Variants in RBFOX3 observed in about 807,000 individuals in gnomAD.
RBFOX3 encodes RNA binding protein fox-1 homolog 3.
In RBFOX3, 17 loss-of-function variants were observed where a neutral mutation model predicts 48.7. The observed-to-expected ratio is 0.35, with a 90% CI of 0.24 to 0.52. The LOEUF (loss-of-function observed/expected upper bound fraction) is 0.52, where lower values mean the gene tolerates loss of function less well. Ranked by LOEUF, RBFOX3 falls within the 20% of genes least tolerant of loss-of-function variation. RBFOX3 has a pLI of 0.94. For synonymous variants in RBFOX3, 212 were observed against 209.5 expected (o/e 1.01, Z -0.10); for missense variants, 382 against 497.5 (o/e 0.77, Z 2.21).
In RBFOX3 at chr17:79,103,108, G is replaced by T. The variant is rs1307527320; in HGVS notation, c.507+54C>A. Reference sequence around the variant, plus strand: ...AGGGCTGGTTGGTTGGGGGAGCTGGGGGGCAGGTGGGCGATCTTGGGGCAT... The same window carrying T: ...AGGGCTGGTTGGTTGGGGGAGCTGGTGGGCAGGTGGGCGATCTTGGGGCAT... On this transcript the variant is annotated intron_variant, in intron 8 of 14. Transcript: ENST00000693108. This position sits in a 1 kb window ranked among gnomAD's most constrained non-coding sequence, Gnocchi z 6.1. 7.4e-7 allele frequency: 1 copy of T among 1,343,276 alleles called. No homozygotes were observed. The highest frequency in any genetic ancestry group is 1.0e-6 in the Non-Finnish European group (1 of 959,148). The allele number at this position is 1,343,276 out of a possible 1,614,324, so 83.2% of individuals were successfully genotyped here.
chr17:79,580,879 G>A (rs1369068294), intron 1 of RBFOX3, among the ~76,000 whole-genome samples: 2 of 152,192 alleles, frequency 1.3e-5, no homozygotes, highest in Non-Finnish European at 2.9e-5. Flanking sequence ...CAGCTGGGCA[G>A]AGCAGAGACA....
At chr17:79,296,503 A>C (rs1409405100) in intron 3 of RBFOX3, among the ~76,000 whole-genome samples, 1 of 152,176 alleles carries the variant, frequency 6.6e-6, no homozygotes, top group Non-Finnish European at 1.5e-5. Context: ...ACTGAAGAAC[A>C]GGCACAGTCC....
At chr17:79,366,156 G>C (rs1382468323) in intron 2 of RBFOX3, among the ~76,000 whole-genome samples, 1 of 152,228 alleles carries the variant, frequency 6.6e-6, no homozygotes, top group Admixed American at 6.5e-5. Context: ...CGGTCACTAG[G>C]AAAGCTAGCT....
At position 79,362,957 on chromosome 17, in the gene RBFOX3, C is replaced by T. The variant is rs1416815231; in HGVS notation, c.-174-55133G>A. Reference sequence around the variant, plus strand: ...TGCTGGTGATGTCCTGTCCTGAGTCCAGGACCCCTCTAGGGTTGGAGCGGG... The same window carrying T: ...TGCTGGTGATGTCCTGTCCTGAGTCTAGGACCCCTCTAGGGTTGGAGCGGG... On this transcript the variant is annotated intron_variant, in intron 2 of 14. Coordinates refer to ENST00000693108, the MANE Select transcript of RBFOX3 (RefSeq NM_001350451.2). This position sits in a 1 kb window ranked among gnomAD's most constrained non-coding sequence, Gnocchi z 4.2. 6.6e-6 allele frequency among the ~76,000 whole-genome samples: 1 copy of T among 152,226 alleles called. No homozygotes were observed. Among genetic ancestry groups the T allele is most frequent in the Non-Finnish European group, 1.5e-5 (1 of 68,036 alleles).
intron 2 of RBFOX3, among the ~76,000 whole-genome samples, chr17:79,388,417 T>A (rs1021552908): frequency 5.3e-5 from 8 of 152,212 alleles, no homozygotes; most frequent in Non-Finnish European, 2.9e-5. Context: ...TCCCCACGCA[T>A]GGAGCCTGTT....
intron 3 of RBFOX3, among the ~76,000 whole-genome samples, chr17:79,236,705 A>G (rs1037711263): frequency 1.3e-5 from 2 of 152,166 alleles, no homozygotes; most frequent in African/African-American, 4.8e-5. Flanking sequence ...GGCAAGGACC[A>G]CCACTCACTC....
chr17:79,305,283 G>A (rs539916844), intron 3 of RBFOX3, among the ~76,000 whole-genome samples: 2 of 152,294 alleles, frequency 1.3e-5, no homozygotes, highest in East Asian at 1.9e-4. Flanking sequence ...AAGCCCTGCC[G>A]TCATAGCTAT....
At chr17:79,396,298 T>C (rs1246715249) in intron 2 of RBFOX3, among the ~76,000 whole-genome samples, 1 of 152,180 alleles carries the variant, frequency 6.6e-6, no homozygotes, top group African/African-American at 2.4e-5. Flanking sequence ...AAGCCCAAAC[T>C]TGAAGCTCCC....
At chr17:79,297,157 G>A (rs1477376775) in intron 3 of RBFOX3, among the ~76,000 whole-genome samples, 1 of 152,052 alleles carries the variant, frequency 6.6e-6, no homozygotes, top group Non-Finnish European at 1.5e-5. Context: ...TCTTCTCCGA[G>A]CAGCCATGAG....
At chr17:79,318,636 C>T (rs1334472274) in intron 2 of RBFOX3, among the ~76,000 whole-genome samples, 3 of 151,856 alleles carry the variant, frequency 2.0e-5, no homozygotes, top group Non-Finnish European at 2.9e-5. Flanking sequence ...AGGTGGATCA[C>T]GAGGTCAGGA....
At chr17:79,495,528 T>TGCAGAGGGTGGGGAGGTGGGGGAGGGGG (rs2081338093) in intron 1 of RBFOX3, among the ~76,000 whole-genome samples, 1 of 24,892 alleles carries the variant, frequency 4.0e-5, no homozygotes, top group Non-Finnish European at 8.0e-5. Flanking sequence ...GGGGGAGGGG[T>TGCAGAGGGTGGGGAGGTGGGGGAGGGGG]GCAGAGGGTG....
At chr17:79,537,606 C>A (rs1955101527) in intron 1 of RBFOX3, among the ~76,000 whole-genome samples, 1 of 152,130 alleles carries the variant, frequency 6.6e-6, no homozygotes, top group Admixed American at 6.5e-5. Context: ...CCCTAGAACC[C>A]CCGCCCACAG....
chr17:79,468,836 A>G (rs2076673671), intron 2 of RBFOX3, among the ~76,000 whole-genome samples: 1 of 151,700 alleles, frequency 6.6e-6, no homozygotes, highest in Admixed American at 6.6e-5. Flanking sequence ...GGATGGATGG[A>G]TGGATGGATA....
chr17:79,394,881 G>C (rs556056807), intron 2 of RBFOX3, among the ~76,000 whole-genome samples: 7 of 152,346 alleles, frequency 4.6e-5, no homozygotes, highest in African/African-American at 1.4e-4. Context: ...GCTAGGAGAA[G>C]GGCCTGGAGA....
intron 2 of RBFOX3, among the ~76,000 whole-genome samples, chr17:79,327,194 A>T (rs1185334676): frequency 4.6e-5 from 7 of 152,144 alleles, no homozygotes; most frequent in African/African-American, 1.7e-4. Context: ...TCCTTTATCC[A>T]TTCCCTTCCC....
intron 1 of RBFOX3, among the ~76,000 whole-genome samples, chr17:79,608,486 G>A (rs1258551143): frequency 6.6e-6 from 1 of 152,114 alleles, no homozygotes. Context: ...GGGGGGAGGA[G>A]GGTGGATAGC....
chr17:79,181,496 A>G (rs1182054919), intron 4 of RBFOX3, among the ~76,000 whole-genome samples: 1 of 152,152 alleles, frequency 6.6e-6, no homozygotes, highest in African/African-American at 2.4e-5. Flanking sequence ...CTGGGATTGG[A>G]TGACTTCCTG....
Position 79,478,568 on chromosome 17 carries a change from AC to A in RBFOX3, c.-175+3885del, listed in dbSNP as rs1282085741. On this transcript the variant is annotated intron_variant, in intron 2 of 14. Transcript: ENST00000693108. ...ACATCTAGAGAAGAGACAACCGGCCACATTCCTTGGCTCCTCTGTGTGACCC... is the reference window on the plus strand; with the variant it reads ...ACATCTAGAGAAGAGACAACCGGCCAATTCCTTGGCTCCTCTGTGTGACCC... Among the ~76,000 whole-genome samples the A allele has an allele frequency of 2.6e-5, 4 of 152,242 alleles. No homozygotes were observed. In the East Asian group the frequency reaches 7.7e-4, roughly 29 times the overall value.
chr17:79,448,419 C>G (rs1940553834), intron 2 of RBFOX3, among the ~76,000 whole-genome samples: 1 of 152,118 alleles, frequency 6.6e-6, no homozygotes, highest in Non-Finnish European at 1.5e-5. Flanking sequence ...TATGATGGGC[C>G]CTAAATCCAG....
Sources: gnomAD v4.1 joint callset for allele counts (sites outside exome capture counted in the v4.1 genomes callset) on GRCh38, gnomAD v4.1.1 for gene constraint, Gnocchi (gnomAD v3.1) non-coding constraint, MANE v1.5 for transcripts, NCBI Gene and HGNC (gene_info 2026-07-23, HGNC 2026-07-21) for gene names.